Variants in BRD4 observed in about 807,000 individuals in gnomAD.
BRD4 encodes the protein bromodomain-containing protein 4.
Under a neutral mutation model 142.1 loss-of-function variants are expected in BRD4, and 16 were observed. The observed-to-expected ratio is 0.11, with a 90% confidence interval of 0.08 to 0.17. The LOEUF (loss-of-function observed/expected upper bound fraction) is 0.17, where lower values mean the gene tolerates loss of function less well. Ranked by LOEUF, BRD4 falls within the 10% of genes least tolerant of loss-of-function variation. The pLI is 1.00. For synonymous variants in BRD4, 833 were observed against 707.5 expected, an observed-to-expected ratio of 1.18 and a Z score of -2.82; for missense variants, 1,424 against 1,810.9, an observed-to-expected ratio of 0.79 and a Z score of 3.88.
At chr19:15,312,014 T>C (rs2047975739) in intron 1 of BRD4, among the ~76,000 whole-genome samples, 1 of 152,210 alleles carries the variant, frequency 6.6e-6, no homozygotes, top group Non-Finnish European at 1.5e-5. Flanking sequence ...ACAATATGCA[T>C]ATAGTTTACA....
intron 4 of BRD4, 72 bp from the exon 5 acceptor site, chr19:15,265,715 A>G (rs1363594081): frequency 8.8e-6 from 13 of 1,485,622 alleles, no homozygotes; most frequent in South Asian, 1.1e-5. Flanking sequence ...TCGTGGGGAC[A>G]TACACCACAC....
rs2047320639 is a variant in BRD4 at position 15,249,400 on chromosome 19, G to A, written c.2159-4638C>T. 2 of 1,579,278 alleles carry A rather than the reference G, an allele frequency of 1.3e-6. 1 individual carries two copies. Among genetic ancestry groups the A allele is most frequent in the East Asian group, 4.5e-5 (2 of 44,050 alleles). On this transcript the variant is annotated intron_variant, in intron 11 of 19. Transcript: ENST00000679869. Reference sequence around the variant, plus strand: ...TGAGCCAACCTCCTGCGCCCTGGTGGCTGATGGGCACAAGAACGGCACTGG... The same window carrying A: ...TGAGCCAACCTCCTGCGCCCTGGTGACTGATGGGCACAAGAACGGCACTGG...
intron 1 of BRD4, among the ~76,000 whole-genome samples, chr19:15,320,156 A>G (rs1425555943): frequency 6.6e-6 from 1 of 152,180 alleles, no homozygotes; most frequent in African/African-American, 2.4e-5. Flanking sequence ...TCTAGAGAGA[A>G]GCAGGGTCAG....
Position 15,264,224 on chromosome 19 carries a change from C to CA in BRD4, c.1212+179dup. 9.1e-6 allele frequency: 7 copies of CA among 771,648 alleles called. No homozygotes were observed. The South Asian group carries it at 1.4e-4, about 16-fold the overall frequency. 47.8% of individuals were successfully genotyped at this position (771,648 alleles called of 1,614,324 possible). ...GCCACAATGGCCAAGCACCAGGTCT[C>CA]AGAGCACGTCCCACAGCAGACAGCA... On this transcript the variant is annotated intron_variant, in intron 6 of 19. Coordinates refer to ENST00000679869, the MANE Select transcript of BRD4 (RefSeq NM_001379291.1).
chr19:15,314,972 G>A (rs2048003973), intron 1 of BRD4, among the ~76,000 whole-genome samples: 1 of 152,174 alleles, frequency 6.6e-6, no homozygotes, highest in Non-Finnish European at 1.5e-5. Flanking sequence ...ACAGAACCCA[G>A]GAGCCCAGGG....
At chr19:15,280,790 A>G (rs558350257) in intron 1 of BRD4, among the ~76,000 whole-genome samples, 14 of 152,328 alleles carry the variant, frequency 9.2e-5, no homozygotes, top group Admixed American at 5.9e-4. Flanking sequence ...TCTTGAATAA[A>G]CAATTATTTT....
chr19:15,238,059 T>C lies in BRD4; in HGVS notation c.*318A>G, dbSNP rs2047207945. 1 of 414,206 alleles carries C rather than the reference T, an allele frequency of 2.4e-6. No homozygotes were observed. Among genetic ancestry groups the C allele is most frequent in the Middle Eastern group, 6.8e-4 (1 of 1,464 alleles). The allele number at this position is 414,206 out of a possible 1,614,324, so 25.7% of individuals were successfully genotyped here. On this transcript the variant is annotated 3_prime_UTR_variant, in exon 20 of 20. Coordinates refer to ENST00000679869, the MANE Select transcript of BRD4 (RefSeq NM_001379291.1). The surrounding 1 kb of genome is among the most constrained non-coding windows in gnomAD (Gnocchi z 7.2). ...GTCCTGTGTATACTGTGTAGACATT[T>C]GGCGGAGAGAAGGGCCTCTGCCCCG...
At chr19:15,290,414 G>A (rs2047773272) in intron 1 of BRD4, among the ~76,000 whole-genome samples, 1 of 152,120 alleles carries the variant, frequency 6.6e-6, no homozygotes, top group South Asian at 2.1e-4. Flanking sequence ...GCGTTCACTG[G>A]TTGCCATAGA....
chr19:15,330,089 T>C (rs1376795915), intron 1 of BRD4, among the ~76,000 whole-genome samples: 1 of 152,212 alleles, frequency 6.6e-6, no homozygotes, highest in African/African-American at 2.4e-5. Flanking sequence ...GCTACCTTCT[T>C]ATCTTTCATC....
chr19:15,316,517 G>A (rs1399523324), intron 1 of BRD4, among the ~76,000 whole-genome samples: 5 of 152,018 alleles, frequency 3.3e-5, no homozygotes, highest in African/African-American at 9.7e-5. Flanking sequence ...CCTGAACCTG[G>A]GAGACGGAGG....
At chr19:15,298,288 T>C (rs948466252) in intron 1 of BRD4, among the ~76,000 whole-genome samples, 1 of 152,248 alleles carries the variant, frequency 6.6e-6, no homozygotes, top group Admixed American at 6.5e-5. Context: ...GGACTGTAGT[T>C]AACTCAACGG....
intron 1 of BRD4, among the ~76,000 whole-genome samples, chr19:15,325,989 C>G (rs1157742262): frequency 8.5e-6 from 1 of 117,282 alleles, no homozygotes; most frequent in African/African-American, 3.5e-5. Flanking sequence ...CAGAGCAAGA[C>G]TCCGTCTCAA....
chr19:15,262,689 C>T (rs2047486255), intron 7 of BRD4, among the ~76,000 whole-genome samples: 2 of 151,976 alleles, frequency 1.3e-5, no homozygotes, highest in African/African-American at 4.8e-5. Context: ...TGCCACTACA[C>T]TCCAGCCTGG....
intron 14 of BRD4, among the ~76,000 whole-genome samples, chr19:15,240,464 G>C (rs1001953766): frequency 1.3e-5 from 2 of 152,180 alleles, no homozygotes; most frequent in Non-Finnish European, 2.9e-5. Flanking sequence ...TGGCCCACCT[G>C]GATGATTGCA....
intron 1 of BRD4, among the ~76,000 whole-genome samples, chr19:15,324,692 G>A (rs1044694418): frequency 4.6e-5 from 7 of 152,186 alleles, no homozygotes; most frequent in Non-Finnish European, 8.8e-5. Context: ...CCCTGACCAA[G>A]TCTTTGTGTT....
At chr19:15,249,431 G>C (rs576447296) in intron 11 of BRD4, 1 of 1,466,960 alleles carries the variant, frequency 6.8e-7, no homozygotes, top group African/African-American at 1.4e-5. Flanking sequence ...ACTGGAGACT[G>C]GAGCCCTGCC....
intron 1 of BRD4, among the ~76,000 whole-genome samples, chr19:15,310,417 G>C (rs1335880470): frequency 1.5e-5 from 2 of 133,960 alleles, no homozygotes; most frequent in African/African-American, 2.8e-5. Flanking sequence ...CTGGAGTGCA[G>C]TGGCGCGATC....
intron 11 of BRD4, among the ~76,000 whole-genome samples, chr19:15,251,524 A>G (rs1350849417): frequency 8.0e-6 from 1 of 125,142 alleles, no homozygotes; most frequent in African/African-American, 3.0e-5. Context: ...CCCCACCCTG[A>G]CCCACTCCCG....
chr19:15,254,334 C>T, intron 10 of BRD4, 72 bp from the exon 11 acceptor site: 1 of 1,271,992 alleles, frequency 7.9e-7, no homozygotes, highest in Non-Finnish European at 1.1e-6. Flanking sequence ...CATGGGCACA[C>T]CCCATCCATC....
Sources: allele counts gnomAD v4.1 joint callset (sites outside exome capture counted in the v4.1 genomes callset), GRCh38; gene constraint gnomAD v4.1.1; non-coding constraint Gnocchi (gnomAD v3.1); transcripts MANE v1.5; gene names NCBI Gene and HGNC (gene_info 2026-07-23, HGNC 2026-07-21).